The following C20orf96 variants were observed in gnomAD, a reference collection of about 807,000 sequenced individuals.
C20orf96 encodes uncharacterized protein C20orf96.
In C20orf96, 57 loss-of-function variants were observed where a neutral mutation model predicts 52.6. The observed-to-expected ratio is 1.08, with a 90% CI of 0.88 to 1.35. C20orf96 has a LOEUF of 1.35. Ranked by LOEUF, C20orf96 falls within the 40% of genes most tolerant of loss-of-function variation. The pLI is 0.00. For missense variants in C20orf96, 478 were observed against 443.6 expected, an observed-to-expected ratio of 1.08 and a Z score of -0.70; for synonymous variants, 168 against 157.2, an observed-to-expected ratio of 1.07 and a Z score of -0.51.
chr20:273,474 C>G (rs1036145401), intron 10 of C20orf96, among the ~76,000 whole-genome samples: 3 of 152,200 alleles, frequency 2.0e-5, no homozygotes, highest in Non-Finnish European at 4.4e-5. Context: ...CACTCAGCTC[C>G]GTGTCAATGC....
chr20:276,066 C>A lies in C20orf96; in HGVS notation c.933G>T (p.Glu311Asp). The A allele has an allele frequency of 6.2e-7, 1 of 1,614,140 alleles. No individual in the cohort carries two copies. The highest frequency in any genetic ancestry group is 8.5e-7 in the Non-Finnish European group (1 of 1,180,022). Residue 311 changes from glutamate to aspartate, a missense_variant, in exon 10 of 11, where the codon GAG becomes GAT. Glu to Asp is a conservative substitution (Grantham distance 45). Coordinates refer to ENST00000360321, the MANE Select transcript of C20orf96 (RefSeq NM_153269.3). ...CCTCGGCCCTTAATACAGGCATGTT[C>A]TCCTCAAACTGGTCAATAATCTGAG... ...RFREIIDQFE[E>D]NMPVLRAEVE...
intron 10 of C20orf96, among the ~76,000 whole-genome samples, chr20:275,411 G>A (rs2011986022): frequency 6.6e-6 from 1 of 152,224 alleles, no homozygotes; most frequent in African/African-American, 2.4e-5. Flanking sequence ...GACAGATGAA[G>A]AAGAAAAATT....
rs747686248 is a variant in C20orf96 at position 289,522 on chromosome 20, C to T, written c.187+37G>A. The T allele has an allele frequency of 1.1e-5, 16 of 1,432,284 alleles. No individual in the cohort carries two copies. In the South Asian group the frequency reaches 1.7e-4, roughly 15 times the overall value. The allele number at this position is 1,432,284 out of a possible 1,614,324, so 88.7% of individuals were successfully genotyped here. On this transcript the variant is annotated intron_variant, in intron 3 of 10. Coordinates refer to ENST00000360321, the MANE Select transcript of C20orf96 (RefSeq NM_153269.3). ...CAAAAGCAGCCACTCTATCCTGTCT[C>T]CAACCCCCACACCAGCTCCCAGGTG...
At chr20:288,174 C>CTTTT (rs1237648367) in intron 3 of C20orf96, among the ~76,000 whole-genome samples, 12 of 66,042 alleles carry the variant, frequency 1.8e-4, no homozygotes, top group Non-Finnish European at 2.0e-4. Flanking sequence ...TTTTCTTTTT[C>CTTTT]TTTTTTTTTT....
At chr20:286,234 G>A (rs1160906156) in intron 3 of C20orf96, among the ~76,000 whole-genome samples, 1 of 152,052 alleles carries the variant, frequency 6.6e-6, no homozygotes, top group East Asian at 1.9e-4. Context: ...TAATACGGAG[G>A]GGCTGGCCGT....
At chr20:271,334 G>C in intron 10 of C20orf96, 67 bp from the exon 11 acceptor site, 1 of 1,308,340 alleles carries the variant, frequency 7.6e-7, no homozygotes, top group Non-Finnish European at 1.1e-6. Context: ...CCCACTCAGA[G>C]GAGCCCTGCT....
intron 4 of C20orf96, among the ~76,000 whole-genome samples, chr20:279,918 G>A (rs898100023): frequency 2.6e-5 from 4 of 152,018 alleles, no homozygotes; most frequent in African/African-American, 9.7e-5. Context: ...TGCAGTGAGC[G>A]AGATGGCGCC....
chr20:285,153 C>G (rs1297479667), intron 3 of C20orf96, among the ~76,000 whole-genome samples: 1 of 152,212 alleles, frequency 6.6e-6, no homozygotes, highest in Non-Finnish European at 1.5e-5. Context: ...GAAGGCACAG[C>G]AGCCACGCAA....
intron 10 of C20orf96, among the ~76,000 whole-genome samples, chr20:273,903 A>AGGGAGGGAGGGAGGGAGGG (rs2011922209): frequency 2.3e-5 from 1 of 43,920 alleles, no homozygotes; most frequent in Non-Finnish European, 4.7e-5. Flanking sequence ...GAAAGGAAGG[A>AGGGAGGGAGGGAGGGAGGG]AGGGAGGGAG....
Position 290,281 on chromosome 20 carries a change from A to G in C20orf96, c.47T>C (p.Ile16Thr), listed in dbSNP as rs745370755. ...CACCGGAACCTGGAACTCCTGGACT[A>G]TGGAGTGAGTCCCAGAGTGCTTGGG... ...QKPKHSGTHS[I>T]VQEFQVPDYV... Residue 16 changes from isoleucine to threonine, a missense_variant, in exon 2 of 11, where the codon ATA becomes ACA. Transcript: ENST00000360321. 6.2e-7 allele frequency: 1 copy of G among 1,612,830 alleles called. No individual in the cohort carries two copies. Among genetic ancestry groups the G allele is most frequent in the Non-Finnish European group, 8.5e-7 (1 of 1,179,388 alleles).
chr20:281,556 A>C (rs535849634), intron 4 of C20orf96, among the ~76,000 whole-genome samples: 3 of 152,376 alleles, frequency 2.0e-5, no homozygotes, highest in Middle Eastern at 3.4e-3. Flanking sequence ...CTCATATAAC[A>C]GTAATCATGC....
chr20:288,579 G>A (rs1171064011), intron 3 of C20orf96, among the ~76,000 whole-genome samples: 1 of 152,180 alleles, frequency 6.6e-6, no homozygotes, highest in Non-Finnish European at 1.5e-5. Context: ...GCCTACCTAT[G>A]TCAGTAGAGC....
At chr20:274,640 AC>A in intron 10 of C20orf96, among the ~76,000 whole-genome samples, 1 of 152,056 alleles carries the variant, frequency 6.6e-6, no homozygotes, top group Admixed American at 6.5e-5. Flanking sequence ...TCCCCCGGAG[AC>A]CCTGGCACCA....
Position 290,677 on chromosome 20 carries a change from T to C in C20orf96, c.-67A>G. The C allele has an allele frequency of 6.3e-7, 1 of 1,596,982 alleles. No individual in the cohort carries two copies. Among genetic ancestry groups the C allele is most frequent in the Non-Finnish European group, 8.6e-7 (1 of 1,166,864 alleles). Reference sequence around the variant, plus strand: ...ATCTTCTGGTATAACTACTCGGCTTTTCCAACTTCCTTGTCTCAGTGTAGA... The same window carrying C: ...ATCTTCTGGTATAACTACTCGGCTTCTCCAACTTCCTTGTCTCAGTGTAGA... On this transcript the variant is annotated 5_prime_UTR_variant, in exon 1 of 11. Transcript: ENST00000360321.
intron 4 of C20orf96, among the ~76,000 whole-genome samples, chr20:280,893 G>A (rs760735313): frequency 6.6e-5 from 10 of 152,124 alleles, no homozygotes; most frequent in African/African-American, 9.7e-5. Context: ...GGTGACTCAC[G>A]CCTGTAATCC....
chr20:289,751 C>A, intron 2 of C20orf96, 75 bp from the exon 3 acceptor site: 2 of 1,212,608 alleles, frequency 1.6e-6, no homozygotes, highest in Non-Finnish European at 2.4e-6. Context: ...TATCTGTGAC[C>A]CCAAGCAAGT....
rs73572424 is a variant in C20orf96 at position 282,091 on chromosome 20, C to G, written c.306+1872G>C. Among the ~76,000 whole-genome samples, 477 of 152,290 alleles carry G rather than the reference C, an allele frequency of 3.1e-3. 6 individuals are homozygous for G. The highest frequency in any genetic ancestry group is 0.011 in the African/African-American group (453 of 41,542). Reference sequence around the variant, plus strand: ...ACTACCTTGTCTCCACATCTCCAGACCAAAATACCCAGAAGTATCTTGTGA... The same window carrying G: ...ACTACCTTGTCTCCACATCTCCAGAGCAAAATACCCAGAAGTATCTTGTGA... On this transcript the variant is annotated intron_variant, in intron 4 of 10. Transcript: ENST00000360321.
At chr20:273,903 AAGGGAGGGAGGGAGGG>A (rs1171376663) in intron 10 of C20orf96, among the ~76,000 whole-genome samples, 63 of 43,972 alleles carry the variant, frequency 1.4e-3, no homozygotes, top group South Asian at 2.9e-3. Flanking sequence ...GAAAGGAAGG[AAGGGAGGGAGGGAGGG>A]AGGGAGGGAG....
chr20:274,022 AAAGGAAGGAATG>A (rs1371902795), intron 10 of C20orf96, among the ~76,000 whole-genome samples: 1 of 151,528 alleles, frequency 6.6e-6, no homozygotes, highest in Non-Finnish European at 1.5e-5. Context: ...GAAAAGAGAG[AAAGGAAGGAATG>A]AAGGAAGGAA....
Sources: gnomAD v4.1 joint callset for allele counts (sites outside exome capture counted in the v4.1 genomes callset) on GRCh38, gnomAD v4.1.1 for gene constraint, MANE v1.5 for transcripts, NCBI Gene and HGNC (gene_info 2026-07-23, HGNC 2026-07-21) for gene names.